Variants in CCNY observed in about 807,000 individuals in gnomAD.
CCNY encodes the protein cyclin Y.
Under a neutral mutation model 42.8 loss-of-function variants are expected in CCNY, and 19 were observed. That is an observed-to-expected ratio of 0.44 (90% CI 0.31 to 0.65). The LOEUF is 0.65. Among genes scored for constraint, CCNY ranks in the 30% least tolerant of loss-of-function variants. The pLI is 0.07. For missense variants in CCNY, 370 were observed against 437.3 expected (o/e 0.85, Z 1.37); for synonymous variants, 165 against 162.7 (o/e 1.01, Z -0.11).
At chr10:35,418,445 G>A (rs1308213057) in intron 1 of CCNY, among the ~76,000 whole-genome samples, 1 of 152,198 alleles carries the variant, frequency 6.6e-6, no homozygotes, top group East Asian at 1.9e-4. Context: ...AGCCTATGGA[G>A]AAATTGGGCA....
intron 1 of CCNY, among the ~76,000 whole-genome samples, chr10:35,477,428 G>A (rs1185697830): frequency 3.3e-5 from 5 of 149,902 alleles, no homozygotes; most frequent in Non-Finnish European, 6.0e-5. Flanking sequence ...ACATCAAAAA[G>A]CTTATCCACC....
chr10:35,337,140 C>G lies in CCNY; in HGVS notation c.87C>G (p.Asp29Glu), dbSNP rs748610163. Residue 29 changes from aspartate to glutamate, a missense_variant, in exon 1 of 10, where the codon GAC (aspartate) becomes GAG (glutamate). This residue lies in a region of CCNY where 136 missense variants were observed against 124.2 expected (regional missense o/e 1.09). Coordinates refer to ENST00000374704, the MANE Select transcript of CCNY (RefSeq NM_145012.6). ...CCCGGCTGGAGTCCTACCGGCCAGACACGGACCTGAGCCGCGAGGACACGG... is the reference window on the plus strand; with the variant it reads ...CCCGGCTGGAGTCCTACCGGCCAGAGACGGACCTGAGCCGCGAGGACACGG... ...AHSRLESYRP[D>E]TDLSREDTGC... 8 of 1,587,942 alleles carry G rather than the reference C, an allele frequency of 5.0e-6. No homozygotes were observed.
At position 35,483,446 on chromosome 10, in the gene CCNY, G is replaced by A. The variant is rs1360602525; in HGVS notation, c.197G>A (p.Ser66Asn). The A allele has an allele frequency of 1.2e-6, 2 of 1,608,774 alleles. No homozygotes were observed. The highest frequency in any genetic ancestry group is 2.7e-5 in the African/African-American group (2 of 74,618). The part of the protein sequence containing the change: ...EFNPSDHPRA[S>N]TIFLSKSQTD... ...AATCCTTCAGATCATCCTCGGGCCA[G>A]CACAATATTCCTCAGTAAATCTCAG... Residue 66 changes from serine to asparagine, a missense_variant, in exon 2 of 10, where the codon AGC becomes AAC. Around this residue, in one of 2 missense-constraint regions of CCNY, gnomAD observed 136 missense variants for 124.2 expected, o/e 1.09. Coordinates refer to ENST00000374704, the MANE Select transcript of CCNY (RefSeq NM_145012.6).
At chr10:35,457,431 A>G (rs1486810548) in intron 1 of CCNY, among the ~76,000 whole-genome samples, 1 of 152,178 alleles carries the variant, frequency 6.6e-6, no homozygotes, top group Non-Finnish European at 1.5e-5. Flanking sequence ...AACTCAGCCC[A>G]GGGAGGCCTT....
chr10:35,563,381 A>G (rs1370461073), intron 8 of CCNY, among the ~76,000 whole-genome samples: 3 of 152,094 alleles, frequency 2.0e-5, no homozygotes, highest in Non-Finnish European at 4.4e-5. Flanking sequence ...ATCTGGAACC[A>G]TGGTGTCTGT....
intron 3 of CCNY, among the ~76,000 whole-genome samples, chr10:35,285,652 A>G (rs1835346680): frequency 6.6e-6 from 1 of 152,276 alleles, no homozygotes; most frequent in Admixed American, 6.5e-5. Context: ...GGGTCTCATT[A>G]TGTTACTTAC....
chr10:35,390,323 C>T (rs904934767), intron 1 of CCNY, among the ~76,000 whole-genome samples: 1 of 152,184 alleles, frequency 6.6e-6, no homozygotes, highest in Non-Finnish European at 1.5e-5. Context: ...ACGGTATTTC[C>T]ATCCCAGGAT....
chr10:35,363,398 C>T (rs1213477088), intron 1 of CCNY, among the ~76,000 whole-genome samples: 1 of 148,976 alleles, frequency 6.7e-6, no homozygotes, highest in Non-Finnish European at 1.5e-5. Context: ...GGGGGCCGGG[C>T]AGAGGTGCTC....
At chr10:35,264,328 C>T (rs573247447) in intron 3 of CCNY, among the ~76,000 whole-genome samples, 88 of 152,202 alleles carry the variant, frequency 5.8e-4, no homozygotes, top group Admixed American at 1.2e-3. Context: ...TGTTGGTGTG[C>T]TGCACCCATT....
At chr10:35,375,310 C>T (rs1352884428) in intron 1 of CCNY, among the ~76,000 whole-genome samples, 1 of 152,150 alleles carries the variant, frequency 6.6e-6, no homozygotes, top group Non-Finnish European at 1.5e-5. Flanking sequence ...TGCTCACATT[C>T]CTTGGCTTCA....
chr10:35,485,938 C>G (rs529128540), intron 2 of CCNY, among the ~76,000 whole-genome samples: 1 of 152,118 alleles, frequency 6.6e-6, no homozygotes, highest in African/African-American at 2.4e-5. Flanking sequence ...CTTGTTTACC[C>G]TCTTATCTTT....
chr10:35,267,808 A>G (rs981845328), intron 3 of CCNY, among the ~76,000 whole-genome samples: 1 of 152,348 alleles, frequency 6.6e-6, no homozygotes, highest in Non-Finnish European at 1.5e-5. Context: ...GCGGTGGAAT[A>G]AAGTCACTGA....
At chr10:35,481,880 A>G (rs993461008) in intron 1 of CCNY, among the ~76,000 whole-genome samples, 1 of 152,238 alleles carries the variant, frequency 6.6e-6, no homozygotes, top group African/African-American at 2.4e-5. Flanking sequence ...TGTAGTTCAA[A>G]TTGAAGCAAA....
intron 7 of CCNY, among the ~76,000 whole-genome samples, chr10:35,543,041 A>G (rs1284451373): frequency 6.6e-6 from 1 of 152,230 alleles, no homozygotes; most frequent in African/African-American, 2.4e-5. Context: ...AGATACCTCA[A>G]CTTGTTAGAT....
chr10:35,539,330 C>T (rs1840949072), intron 7 of CCNY, among the ~76,000 whole-genome samples: 1 of 152,188 alleles, frequency 6.6e-6, no homozygotes, highest in Non-Finnish European at 1.5e-5. Context: ...GTAGGAATTG[C>T]ATTGACTATG....
At position 35,551,344 on chromosome 10, in the gene CCNY, G is replaced by A. The variant is rs115100862; in HGVS notation, c.580-1675G>A. Reference sequence around the variant, plus strand: ...CTTTCCCATTCCATTTGGGAGTGTTGGTATCATTTAACTGAAAATAATCTG... The same window carrying A: ...CTTTCCCATTCCATTTGGGAGTGTTAGTATCATTTAACTGAAAATAATCTG... On this transcript the variant is annotated intron_variant, in intron 7 of 9. Transcript: ENST00000374704. 6.8e-3 allele frequency among the ~76,000 whole-genome samples: 1,034 copies of A among 152,182 alleles called. 10 individuals carry two copies. The highest frequency in any genetic ancestry group is 0.024 in the African/African-American group (988 of 41,524).
intron 3 of CCNY, among the ~76,000 whole-genome samples, chr10:35,254,657 T>C (rs535088683): frequency 3.0e-4 from 46 of 151,736 alleles, no homozygotes; most frequent in Non-Finnish European, 3.8e-4. Context: ...CAAGACCCTG[T>C]CTCTACAAAA....
At chr10:35,292,282 T>G (rs1022068603) in intron 3 of CCNY, among the ~76,000 whole-genome samples, 1 of 152,200 alleles carries the variant, frequency 6.6e-6, no homozygotes, top group African/African-American at 2.4e-5. Context: ...TGATTTGGGA[T>G]TTTTCTCCCT....
intron 1 of CCNY, among the ~76,000 whole-genome samples, chr10:35,380,337 G>A (rs1837153124): frequency 1.3e-5 from 2 of 152,136 alleles, no homozygotes; most frequent in South Asian, 2.1e-4. Context: ...TTTCTCTAAT[G>A]TCTTTCCCTT....
Sources: gnomAD v4.1 joint callset for allele counts (sites outside exome capture counted in the v4.1 genomes callset) on GRCh38, gnomAD v4.1.1 for gene constraint, gnomAD v4.1.1 regional missense constraint, MANE v1.5 for transcripts, NCBI Gene and HGNC (gene_info 2026-07-23, HGNC 2026-07-21) for gene names.